The following TACC2 variants were observed in gnomAD, a reference collection of about 807,000 sequenced individuals.
TACC2 encodes the protein transforming acidic coiled-coil-containing protein 2.
In TACC2, 137 loss-of-function variants were observed where a neutral mutation model predicts 227.3. The observed-to-expected ratio is 0.60, with a 90% CI of 0.52 to 0.69. TACC2 has a LOEUF of 0.69. Ranked by LOEUF, TACC2 falls within the 30% of genes least tolerant of loss-of-function variation. The probability of loss-of-function intolerance (pLI) is 0.00; values close to 1 mark genes in which losing one functional copy is unlikely to be tolerated. For synonymous variants in TACC2, 1,523 were observed against 1,487.5 expected, an observed-to-expected ratio of 1.02 and a Z score of -0.55; for missense variants, 3,470 against 3,694.4, an observed-to-expected ratio of 0.94 and a Z score of 1.57.
chr10:122,090,464 G>A (rs954924326), intron 5 of TACC2, among the ~76,000 whole-genome samples: 5 of 149,618 alleles, frequency 3.3e-5, no homozygotes, highest in African/African-American at 7.4e-5. Flanking sequence ...GGAGAATGGC[G>A]TGAACCCGGG....
rs763092038 is a variant in TACC2, at chr10:122,082,858, G to A, written c.358G>A (p.Gly120Ser). Residue 120 changes from glycine (G) to serine (S), a missense_variant, in exon 4 of 23, where the codon GGT becomes AGT. Physicochemically the swap from Gly to Ser is moderately conservative, Grantham distance 56 (BLOSUM62 0). This residue lies in a region of TACC2 where 405 missense variants were observed against 389.6 expected (regional missense o/e 1.04). Transcript: ENST00000369005. ...SMPFAECPPE[G>S]CLASPAAAPE... ...GCCCTTTGCCGAGTGTCCCCCGGAAGGTTGCTTGGCAAGTCCAGCAGCGGC... is the reference window on the plus strand; with the variant it reads ...GCCCTTTGCCGAGTGTCCCCCGGAAAGTTGCTTGGCAAGTCCAGCAGCGGC... 1 of 1,613,550 alleles carries A rather than the reference G, an allele frequency of 6.2e-7. No individual in the cohort carries two copies. Among genetic ancestry groups the A allele is most frequent in the Non-Finnish European group, 8.5e-7 (1 of 1,180,028 alleles).
At chr10:122,252,866 G>T (rs2096277421) in intron 22 of TACC2, among the ~76,000 whole-genome samples, 1 of 152,206 alleles carries the variant, frequency 6.6e-6, no homozygotes, top group Non-Finnish European at 1.5e-5. Flanking sequence ...TGGCATTTCA[G>T]TGCCTCTCTC....
chr10:122,202,108 T>G (rs2094884471), intron 8 of TACC2, among the ~76,000 whole-genome samples: 2 of 151,148 alleles, frequency 1.3e-5, no homozygotes, highest in Non-Finnish European at 3.0e-5. Flanking sequence ...TGTCTACATT[T>G]CCCATCTATA....
Position 122,099,085 on chromosome 10 carries a change from C to T in TACC2, c.5573+10494C>T, listed in dbSNP as rs554828420. Among the ~76,000 whole-genome samples the T allele has an allele frequency of 5.3e-5, 8 of 152,252 alleles. No homozygotes were observed. The East Asian group carries it at 7.7e-4, about 15-fold the overall frequency. On this transcript the variant is annotated intron_variant, in intron 5 of 22. Transcript: ENST00000369005. ...GCTGAGCACATCTCATGGGACAAAC[C>T]GCCTCGACAATTTTGGCATGATATT...
At position 122,063,114 on chromosome 10, in the gene TACC2, C is replaced by T. The variant is rs11200373; in HGVS notation, c.146+12564C>T. 4.6e-5 allele frequency among the ~76,000 whole-genome samples: 7 copies of T among 152,288 alleles called. No homozygotes were observed. The South Asian group carries it at 1.0e-3, about 23-fold the overall frequency. On this transcript the variant is annotated intron_variant, in intron 3 of 22. Coordinates refer to ENST00000369005, the MANE Select transcript of TACC2 (RefSeq NM_206862.4). ...TCTGGTCTCCATATTAGAAAGTGAACCTTGGTCAATCCTTAACATTTAGTT... is the reference window on the plus strand; with the variant it reads ...TCTGGTCTCCATATTAGAAAGTGAATCTTGGTCAATCCTTAACATTTAGTT...
chr10:122,007,231 T>C (rs1404368032), intron 1 of TACC2, among the ~76,000 whole-genome samples: 1 of 152,196 alleles, frequency 6.6e-6, no homozygotes, highest in African/African-American at 2.4e-5. Flanking sequence ...GGGTGCCTTA[T>C]GATTTATTTA....
At chr10:122,188,104 C>T (rs61481664) in intron 7 of TACC2, among the ~76,000 whole-genome samples, 8,629 of 152,006 alleles carry the variant, frequency 0.057, 810 homozygotes, top group African/African-American at 0.2. Context: ...TACCCTCTTC[C>T]AGCCAAGAGA....
intron 19 of TACC2, 36 bp from the exon 20 acceptor site, chr10:122,248,607 G>T (rs772182913): frequency 6.2e-7 from 1 of 1,611,436 alleles, no homozygotes; most frequent in South Asian, 1.1e-5. Context: ...TGGACTTTCT[G>T]GGCTCCATCA....
intron 11 of TACC2, among the ~76,000 whole-genome samples, chr10:122,221,969 C>T (rs989715051): frequency 5.3e-5 from 8 of 152,196 alleles, no homozygotes; most frequent in South Asian, 2.1e-4. Flanking sequence ...GAAGGCCCCT[C>T]GCTGTGCAGT....
chr10:122,225,628 G>A (rs1185809584), intron 12 of TACC2, among the ~76,000 whole-genome samples: 2 of 152,202 alleles, frequency 1.3e-5, no homozygotes, highest in East Asian at 1.9e-4. Flanking sequence ...ACATTTTACC[G>A]CTGAAGGGGA....
In TACC2 at chr10:122,085,300, TC is replaced by T; in HGVS notation, c.2801del (p.Ser934Ter). The T allele has an allele frequency of 1.2e-6, 2 of 1,614,020 alleles. No homozygotes were observed. Among genetic ancestry groups the T allele is most frequent in the Non-Finnish European group, 1.7e-6 (2 of 1,180,030 alleles). ...TTCTCTGACAGAAGAGTCAGAATTG[TC>T]AGCACCAACGAGACAGAAGTTGCCT... is the stretch of plus-strand genomic sequence containing the variant. The part of the protein sequence containing the change: ...ESSLTEESEL[S>X]APTRQKLPAL... On this transcript the variant is annotated frameshift_variant, in exon 4 of 23. Transcript: ENST00000369005. LOFTEE classifies it high-confidence loss of function.
chr10:122,006,479 T>TAAATAAATAAATAAATA (rs1375429983), intron 1 of TACC2, among the ~76,000 whole-genome samples: 3 of 145,920 alleles, frequency 2.1e-5, no homozygotes, highest in Non-Finnish European at 4.6e-5. Context: ...AATAAATAAA[T>TAAATAAATAAATAAATA]AAAAAATAGG....
At chr10:122,235,934 A>G (rs1397672257) in intron 16 of TACC2, among the ~76,000 whole-genome samples, 1 of 152,136 alleles carries the variant, frequency 6.6e-6, no homozygotes, top group Non-Finnish European at 1.5e-5. Context: ...CACCCCAAGT[A>G]TGCAAGGCCA....
chr10:122,088,753 G>A, intron 5 of TACC2, 162 bp downstream of exon 5: 2 of 1,534,478 alleles, frequency 1.3e-6, no homozygotes, highest in Non-Finnish European at 1.7e-6. Flanking sequence ...AGCAGTACCT[G>A]GGATGACTAA....
intron 7 of TACC2, among the ~76,000 whole-genome samples, chr10:122,176,117 C>A (rs10887097): frequency 0.12 from 6,291 of 53,208 alleles, 359 homozygotes; most frequent in Middle Eastern, 0.15. Flanking sequence ...CTCTCTCTCT[C>A]TATATATATA....
intron 7 of TACC2, among the ~76,000 whole-genome samples, chr10:122,177,546 T>C (rs2093777385): frequency 6.6e-6 from 1 of 151,994 alleles, no homozygotes; most frequent in Admixed American, 6.6e-5. Flanking sequence ...AGCCACTGCA[T>C]TCCAGCCTGG....
chr10:122,155,833 ATTTTTT>A (rs66559186), intron 7 of TACC2, among the ~76,000 whole-genome samples: 3 of 118,304 alleles, frequency 2.5e-5, no homozygotes, highest in Admixed American at 9.8e-5. Flanking sequence ...TAGTGGGAAA[ATTTTTT>A]TTTTTTTTTT....
At chr10:122,033,178 A>G (rs1959178465) in intron 2 of TACC2, 1 of 1,284,406 alleles carries the variant, frequency 7.8e-7, no homozygotes, top group Non-Finnish European at 1.0e-6. Context: ...GCTGTTCTGC[A>G]TGGCTTCCCT....
chr10:122,084,616 G>T lies in TACC2; in HGVS notation c.2116G>T (p.Gly706Ter), dbSNP rs745575153. ...KCPDTLQSRE[G>*]LGRMESFLTL... ...TCCTGACACCCTTCAGAGCAGGGAA[G>T]GATTGGGAAGAATGGAGTCTTTCCT... Residue 706 changes from glycine to a stop codon, truncating the protein, a stop_gained, in exon 4 of 23, where the codon GGA becomes TGA. Transcript: ENST00000369005. LOFTEE classifies it high-confidence loss of function. 1.2e-6 allele frequency: 2 copies of T among 1,613,858 alleles called. No homozygotes were observed. Among genetic ancestry groups the T allele is most frequent in the South Asian group, 1.1e-5 (1 of 91,084 alleles).
Sources: allele counts gnomAD v4.1 joint callset (sites outside exome capture counted in the v4.1 genomes callset), GRCh38; gene constraint gnomAD v4.1.1; regional missense constraint gnomAD v4.1.1; transcripts MANE v1.5; gene names NCBI Gene and HGNC (gene_info 2026-07-23, HGNC 2026-07-21).